The following ADGRB3 variants were observed in gnomAD, a reference collection of about 807,000 sequenced individuals.
The protein encoded by ADGRB3 is adhesion G protein-coupled receptor B3, also known as brain-specific angiogenesis inhibitor 3.
A neutral mutation model predicts 193.4 loss-of-function variants in ADGRB3; 37 were observed. The observed-to-expected ratio is 0.19, with a 90% CI of 0.15 to 0.25. The LOEUF is 0.25. ADGRB3 is among the 10% of genes least tolerant of loss of function. ADGRB3 has a pLI of 1.00. For synonymous variants in ADGRB3, 690 were observed against 644.2 expected, an observed-to-expected ratio of 1.07 and a Z score of -1.08; for missense variants, 1,637 against 1,852.9, an observed-to-expected ratio of 0.88 and a Z score of 2.14.
At chr6:68,980,092 C>A (rs1307248067) in intron 10 of ADGRB3, among the ~76,000 whole-genome samples, 1 of 151,548 alleles carries the variant, frequency 6.6e-6, no homozygotes, top group Non-Finnish European at 1.5e-5. Flanking sequence ...AGATACTACT[C>A]TAATGGAAGC....
chr6:69,082,678 T>C (rs1772421331), intron 17 of ADGRB3, among the ~76,000 whole-genome samples: 2 of 152,156 alleles, frequency 1.3e-5, no homozygotes, highest in African/African-American at 4.8e-5. Flanking sequence ...TTTTGTAATC[T>C]GTTGTATTTC....
intron 3 of ADGRB3, among the ~76,000 whole-genome samples, chr6:68,652,577 T>C (rs568597629): frequency 2.6e-5 from 4 of 152,284 alleles, no homozygotes; most frequent in African/African-American, 9.6e-5. Flanking sequence ...CATGTGTTTT[T>C]CTCACATACT....
intron 3 of ADGRB3, among the ~76,000 whole-genome samples, chr6:68,922,190 T>C (rs1767062593): frequency 6.6e-6 from 1 of 152,206 alleles, no homozygotes; most frequent in South Asian, 2.1e-4. Context: ...TGTTCACAGC[T>C]ACATCTCCAG....
chr6:68,815,943 T>C lies in ADGRB3; in HGVS notation c.758-114616T>C, dbSNP rs182411108. 5.3e-5 allele frequency among the ~76,000 whole-genome samples: 8 copies of C among 152,102 alleles called. No individual in the cohort carries two copies. In the East Asian group the frequency reaches 1.4e-3, roughly 26 times the overall value. ...AAATCCTCAGTAGTATAGGCAGATA[T>C]GGGGAAGGTATCTTACAACATACTT... On this transcript the variant is annotated intron_variant, in intron 3 of 31. Coordinates refer to ENST00000370598, the MANE Select transcript of ADGRB3 (RefSeq NM_001704.3).
chr6:68,925,055 A>G (rs1185864764), intron 3 of ADGRB3, among the ~76,000 whole-genome samples: 1 of 151,954 alleles, frequency 6.6e-6, no homozygotes, highest in Non-Finnish European at 1.5e-5. Context: ...TAAAAATTGT[A>G]TTCAGTTCAT....
Position 68,795,958 on chromosome 6 carries a change from C to T in ADGRB3, c.758-134601C>T, listed in dbSNP as rs557499365. On this transcript the variant is annotated intron_variant, in intron 3 of 31. Coordinates refer to ENST00000370598, the MANE Select transcript of ADGRB3 (RefSeq NM_001704.3). ...ATATAAATTCATGGAATCTTAGACTCGTAAAATTTCAGGTTCCAGCTTTGT... is the reference window on the plus strand; with the variant it reads ...ATATAAATTCATGGAATCTTAGACTTGTAAAATTTCAGGTTCCAGCTTTGT... Among the ~76,000 whole-genome samples the T allele has an allele frequency of 2.6e-5, 4 of 152,082 alleles. No individual in the cohort carries two copies. The South Asian group carries it at 6.2e-4, about 24-fold the overall frequency.
At chr6:69,069,894 A>G (rs563154594) in intron 16 of ADGRB3, among the ~76,000 whole-genome samples, 1 of 152,030 alleles carries the variant, frequency 6.6e-6, no homozygotes, top group South Asian at 2.1e-4. Flanking sequence ...TTAGTAGGGA[A>G]AGAGAGAGAG....
At chr6:68,760,989 T>C (rs1402039329) in intron 3 of ADGRB3, among the ~76,000 whole-genome samples, 1 of 152,246 alleles carries the variant, frequency 6.6e-6, no homozygotes, top group Non-Finnish European at 1.5e-5. Context: ...ATTTTTAATG[T>C]TGTCTTCCAG....
chr6:68,727,842 A>G (rs1014182590), intron 3 of ADGRB3, among the ~76,000 whole-genome samples: 2 of 151,620 alleles, frequency 1.3e-5, no homozygotes, highest in African/African-American at 4.8e-5. Context: ...ACAGCAAGTC[A>G]TTCTGGGTGA....
At chr6:69,264,184 A>T (rs1159074705) in intron 20 of ADGRB3, among the ~76,000 whole-genome samples, 1 of 151,998 alleles carries the variant, frequency 6.6e-6, no homozygotes, top group Non-Finnish European at 1.5e-5. Context: ...TTACAAGGTG[A>T]GAAGGAAACT....
At chr6:69,154,952 TA>T (rs749426214) in intron 17 of ADGRB3, among the ~76,000 whole-genome samples, 22 of 152,212 alleles carry the variant, frequency 1.4e-4, no homozygotes, top group Non-Finnish European at 2.8e-4. Flanking sequence ...CTGATTAGCT[TA>T]AAAGTTTTAA....
chr6:69,211,214 T>G (rs909484810), intron 17 of ADGRB3, among the ~76,000 whole-genome samples: 3 of 152,188 alleles, frequency 2.0e-5, no homozygotes, highest in Non-Finnish European at 4.4e-5. Context: ...TGTTTTATTT[T>G]TCACTGTTTG....
At chr6:68,702,490 T>A (rs1765257286) in intron 3 of ADGRB3, among the ~76,000 whole-genome samples, 1 of 152,166 alleles carries the variant, frequency 6.6e-6, no homozygotes, top group African/African-American at 2.4e-5. Flanking sequence ...GGAAATATAG[T>A]CTTTGACTGC....
chr6:68,845,619 G>C (rs1222022028), intron 3 of ADGRB3, among the ~76,000 whole-genome samples: 4 of 152,108 alleles, frequency 2.6e-5, no homozygotes, highest in Non-Finnish European at 5.9e-5. Flanking sequence ...TAAGTGTCAC[G>C]AGATCTGATG....
chr6:68,682,554 TGTTA>T (rs1348592217), intron 3 of ADGRB3, among the ~76,000 whole-genome samples: 1 of 152,216 alleles, frequency 6.6e-6, no homozygotes, highest in Non-Finnish European at 1.5e-5. Context: ...TCAGAAATAT[TGTTA>T]GTTAAAAGAA....
chr6:68,729,385 G>T (rs1383898456), intron 3 of ADGRB3, among the ~76,000 whole-genome samples: 1 of 151,608 alleles, frequency 6.6e-6, no homozygotes, highest in East Asian at 1.9e-4. Context: ...GTACAGAAAT[G>T]ATATGCCATC....
intron 3 of ADGRB3, among the ~76,000 whole-genome samples, chr6:68,780,624 G>T (rs967364084): frequency 6.6e-6 from 1 of 152,074 alleles, no homozygotes; most frequent in African/African-American, 2.4e-5. Context: ...CAGTCCTTAC[G>T]AGGCTATAAA....
chr6:68,653,197 A>G (rs1164506522), intron 3 of ADGRB3, among the ~76,000 whole-genome samples: 2 of 152,176 alleles, frequency 1.3e-5, no homozygotes, highest in Non-Finnish European at 2.9e-5. Context: ...GACTAAAATG[A>G]GAAGAGCCTC....
At chr6:68,999,005 G>A (rs1281884490) in intron 11 of ADGRB3, among the ~76,000 whole-genome samples, 2 of 152,154 alleles carry the variant, frequency 1.3e-5, no homozygotes, top group Non-Finnish European at 2.9e-5. Context: ...GCTGCTGTGT[G>A]TATACCTGTG....
Sources: allele counts gnomAD v4.1 joint callset (sites outside exome capture counted in the v4.1 genomes callset), GRCh38; gene constraint gnomAD v4.1.1; transcripts MANE v1.5; gene names NCBI Gene and HGNC (gene_info 2026-07-23, HGNC 2026-07-21).